ST8SIA5: variants seen among roughly 807,000 people sequenced by gnomAD.
The protein encoded by ST8SIA5 is ST8 alpha-N-acetyl-neuraminide alpha-2,8-sialyltransferase 5.
ST8SIA5 carries 24 observed loss-of-function variants against 40.2 expected under a neutral mutation model. The observed-to-expected ratio is 0.60, with a 90% CI of 0.43 to 0.84. The LOEUF is 0.84. ST8SIA5 is among the 40% of genes least tolerant of loss of function. The pLI, the probability that ST8SIA5 is intolerant of heterozygous loss-of-function variation, is 0.00. For missense variants in ST8SIA5, 465 were observed against 498.5 expected (o/e 0.93, Z 0.64); for synonymous variants, 198 against 201.8 (o/e 0.98, Z 0.16).
Position 46,676,259 on chromosome 18 carries a change from C to T in ST8SIA5, c.*3783G>A, listed in dbSNP as rs2039338496. Reference sequence around the variant, plus strand: ...TGAGACTGGATTTGATAGTGTTCAGCACAACCAGCTCCCACGTACGTTTGT... The same window carrying T: ...TGAGACTGGATTTGATAGTGTTCAGTACAACCAGCTCCCACGTACGTTTGT... On this transcript the variant is annotated 3_prime_UTR_variant, in exon 7 of 7. Transcript: ENST00000315087. The T allele has an allele frequency of 6.6e-6, 1 of 152,208 alleles. No individual in the cohort carries two copies. The highest frequency in any genetic ancestry group is 2.1e-4 in the South Asian group (1 of 4,824). 9.4% of individuals were successfully genotyped at this position (152,208 alleles called of 1,614,324 possible).
chr18:46,745,104 G>A (rs1446497440), intron 1 of ST8SIA5, among the ~76,000 whole-genome samples: 1 of 152,146 alleles, frequency 6.6e-6, no homozygotes, highest in Non-Finnish European at 1.5e-5. Flanking sequence ...ATGCCCACAA[G>A]AGAAAGCAGG....
chr18:46,685,906 C>G, intron 5 of ST8SIA5: 1 of 460,292 alleles, frequency 2.2e-6, no homozygotes. Context: ...CTGCAAGCTC[C>G]TAAGTCCTCA....
At chr18:46,726,216 A>T (rs1489793167) in intron 1 of ST8SIA5, among the ~76,000 whole-genome samples, 1 of 150,814 alleles carries the variant, frequency 6.6e-6, no homozygotes, top group Non-Finnish European at 1.5e-5. Context: ...TAAATAAAAT[A>T]AATTTGTAAA....
intron 2 of ST8SIA5, among the ~76,000 whole-genome samples, chr18:46,699,786 A>T (rs897081348): frequency 6.6e-6 from 1 of 152,146 alleles, no homozygotes; most frequent in Non-Finnish European, 1.5e-5. Context: ...ATAGGGCCAG[A>T]CTCAGAGATG....
intron 1 of ST8SIA5, among the ~76,000 whole-genome samples, chr18:46,711,341 A>T (rs2144512048): frequency 6.6e-6 from 1 of 152,302 alleles, no homozygotes; most frequent in Non-Finnish European, 1.5e-5. Context: ...GGCAAGCATA[A>T]TTTCCCCCAT....
intron 1 of ST8SIA5, among the ~76,000 whole-genome samples, chr18:46,720,837 G>A (rs376664628): frequency 1.3e-5 from 2 of 152,126 alleles, no homozygotes; most frequent in African/African-American, 4.8e-5. Flanking sequence ...CTGATCAAGA[G>A]GAAATAGCCA....
At chr18:46,733,142 G>A (rs2040000980) in intron 1 of ST8SIA5, among the ~76,000 whole-genome samples, 1 of 152,190 alleles carries the variant, frequency 6.6e-6, no homozygotes, top group South Asian at 2.1e-4. Context: ...AACCCTGGGA[G>A]GGGGAAGACC....
intron 1 of ST8SIA5, among the ~76,000 whole-genome samples, chr18:46,729,704 A>T (rs757640397): frequency 6.6e-6 from 1 of 152,212 alleles, no homozygotes; most frequent in Non-Finnish European, 1.5e-5. Context: ...AAAGTATCTT[A>T]CCCATTAACC....
rs141499275 is a variant in ST8SIA5 at position 46,728,056 on chromosome 18, A to G, written c.132-23392T>C. On this transcript the variant is annotated intron_variant, in intron 1 of 6. Coordinates refer to ENST00000315087, the MANE Select transcript of ST8SIA5 (RefSeq NM_013305.6). Reference sequence around the variant, plus strand: ...CTAAAAATACAGAAATTAGCTGGGTATGGAGGCATGAGCCTGTAGTCCCAG... The same window carrying G: ...CTAAAAATACAGAAATTAGCTGGGTGTGGAGGCATGAGCCTGTAGTCCCAG... 2.0e-5 allele frequency among the ~76,000 whole-genome samples: 3 copies of G among 152,168 alleles called. No homozygotes were observed. In the East Asian group the frequency reaches 5.8e-4, roughly 29 times the overall value.
At position 46,713,842 on chromosome 18, in the gene ST8SIA5, G is replaced by A. The variant is rs554785568; in HGVS notation, c.132-9178C>T. 5.5e-4 allele frequency among the ~76,000 whole-genome samples: 84 copies of A among 152,270 alleles called. 2 individuals carry two copies. Among genetic ancestry groups the A allele is most frequent in the Non-Finnish European group, 2.9e-4 (20 of 68,022 alleles). On this transcript the variant is annotated intron_variant, in intron 1 of 6. Coordinates refer to ENST00000315087, the MANE Select transcript of ST8SIA5 (RefSeq NM_013305.6). The stretch of plus-strand genomic sequence containing the variant: ...AGAAGGGAACAGATGCCCCTCTGCC[G>A]TAGGTGGAAGCAAGGCCAGGAGTGG...
intron 4 of ST8SIA5, 76 bp downstream of exon 4, chr18:46,688,699 A>C: frequency 1.3e-6 from 2 of 1,537,096 alleles, no homozygotes; most frequent in South Asian, 1.3e-5. Flanking sequence ...GCAAAACCCC[A>C]GGGACATTGC....
chr18:46,689,063 G>T, intron 3 of ST8SIA5, 144 bp from the exon 4 acceptor site: 1 of 992,440 alleles, frequency 1.0e-6, no homozygotes, highest in East Asian at 2.8e-5. Flanking sequence ...CCTGCATGGA[G>T]CCGAGGCCTC....
chr18:46,712,645 C>T (rs751354247), intron 1 of ST8SIA5, among the ~76,000 whole-genome samples: 8 of 152,176 alleles, frequency 5.3e-5, no homozygotes, highest in Non-Finnish European at 1.2e-4. Flanking sequence ...GCTGTTGATG[C>T]GTGAGAAGGG....
intron 1 of ST8SIA5, among the ~76,000 whole-genome samples, chr18:46,747,080 T>C (rs551199920): frequency 1.3e-5 from 2 of 152,296 alleles, no homozygotes; most frequent in East Asian, 3.9e-4. Flanking sequence ...CAAGACGGAT[T>C]AAAGACTTAA....
At chr18:46,730,339 C>T in intron 1 of ST8SIA5, 2 of 797,376 alleles carry the variant, frequency 2.5e-6, no homozygotes, top group Non-Finnish European at 3.0e-6. Flanking sequence ...ATGAATAATC[C>T]TCAACCTAAG....
chr18:46,756,296 G>T, intron 1 of ST8SIA5, 82 bp downstream of exon 1: 1 of 1,569,054 alleles, frequency 6.4e-7, no homozygotes, highest in South Asian at 1.2e-5. Context: ...GGGGCGCTGC[G>T]ACCGAAGCTG....
At chr18:46,713,637 A>G (rs1402320352) in intron 1 of ST8SIA5, among the ~76,000 whole-genome samples, 1 of 152,156 alleles carries the variant, frequency 6.6e-6, no homozygotes, top group Non-Finnish European at 1.5e-5. Context: ...GAAAACCCAG[A>G]CACAGAGCCC....
At chr18:46,755,957 C>T (rs2040239869) in intron 1 of ST8SIA5, among the ~76,000 whole-genome samples, 1 of 151,020 alleles carries the variant, frequency 6.6e-6, no homozygotes, top group Admixed American at 6.6e-5. Flanking sequence ...TCAGGACTCG[C>T]GAGGTTATAA....
chr18:46,731,262 GA>G (rs2039982412), intron 1 of ST8SIA5, among the ~76,000 whole-genome samples: 1 of 152,206 alleles, frequency 6.6e-6, no homozygotes, highest in South Asian at 2.1e-4. Flanking sequence ...AAAAGAAAAA[GA>G]AAAAGGCCTT....
Sources: gnomAD v4.1 joint callset for allele counts (sites outside exome capture counted in the v4.1 genomes callset) on GRCh38, gnomAD v4.1.1 for gene constraint, MANE v1.5 for transcripts, NCBI Gene and HGNC (gene_info 2026-07-23, HGNC 2026-07-21) for gene names.